LUC7L: variants seen among roughly 807,000 people sequenced by gnomAD.
LUC7L encodes the protein LUC7 like.
In LUC7L, 29 loss-of-function variants were observed where a neutral mutation model predicts 51.1. The observed-to-expected ratio is 0.57, with a 90% CI of 0.42 to 0.77. LUC7L has a LOEUF of 0.77. Among genes scored for constraint, LUC7L ranks in the 30% least tolerant of loss-of-function variants. The pLI, the probability that LUC7L is intolerant of heterozygous loss-of-function variation, is 0.00. For synonymous variants in LUC7L, 181 were observed against 180.7 expected, an observed-to-expected ratio of 1.00 and a Z score of -0.01; for missense variants, 403 against 511.9, an observed-to-expected ratio of 0.79 and a Z score of 2.05.
chr16:206,716 T>A (rs146951428), intron 4 of LUC7L, among the ~76,000 whole-genome samples: 1 of 152,050 alleles, frequency 6.6e-6, no homozygotes, highest in Non-Finnish European at 1.5e-5. Context: ...AGTTTGACCA[T>A]TTCCTTACCA....
chr16:229,244 C>T lies in LUC7L; in HGVS notation c.61+35G>A, dbSNP rs1042122830. On this transcript the variant is annotated intron_variant, in intron 1 of 9. Coordinates refer to ENST00000293872, the MANE Select transcript of LUC7L (RefSeq NM_201412.3). ...CCCGGCGGCCTCGCCTCACTCCCAC[C>T]CCAGACCCTCGCCTGGTTGGCCGCT... 5 of 1,527,842 alleles carry T rather than the reference C, an allele frequency of 3.3e-6. No individual in the cohort carries two copies. The South Asian group carries it at 6.0e-5, about 18-fold the overall frequency. 94.6% of individuals were successfully genotyped at this position (1,527,842 alleles called of 1,614,324 possible). A position where few individuals can be genotyped will look rare whatever the true frequency, so the allele number is the denominator to read the frequency against.
chr16:211,800 C>A (rs1006869634), intron 3 of LUC7L, among the ~76,000 whole-genome samples: 1 of 152,198 alleles, frequency 6.6e-6, no homozygotes, highest in African/African-American at 2.4e-5. Flanking sequence ...TGGACAATAT[C>A]AGCACACGTC....
At chr16:214,777 T>A (rs2049741416) in intron 3 of LUC7L, among the ~76,000 whole-genome samples, 1 of 152,138 alleles carries the variant, frequency 6.6e-6, no homozygotes, top group Non-Finnish European at 1.5e-5. Flanking sequence ...CCACCCACCC[T>A]AGTCTCCCAA....
chr16:223,449 G>A (rs1268504066), intron 2 of LUC7L, among the ~76,000 whole-genome samples: 2 of 152,252 alleles, frequency 1.3e-5, no homozygotes, highest in East Asian at 3.9e-4. Context: ...AAGCTAACAT[G>A]GAGGCGGCAG....
intron 6 of LUC7L, among the ~76,000 whole-genome samples, chr16:196,148 C>T (rs1197428505): frequency 6.6e-6 from 1 of 151,750 alleles, no homozygotes; most frequent in African/African-American, 2.4e-5. Context: ...TGGCCCACGC[C>T]TGTAATCCCA....
chr16:223,919 G>GCCTCCT (rs764935530), intron 2 of LUC7L, among the ~76,000 whole-genome samples: 1 of 151,400 alleles, frequency 6.6e-6, no homozygotes, highest in Non-Finnish European at 1.5e-5. Flanking sequence ...TGATCCACCC[G>GCCTCCT]CCTCCTCCTC....
chr16:198,371 T>G (rs1430268389), intron 6 of LUC7L, among the ~76,000 whole-genome samples: 1 of 149,564 alleles, frequency 6.7e-6, no homozygotes, highest in Non-Finnish European at 1.5e-5. Flanking sequence ...GATGGTACAA[T>G]GCTACCAGAA....
chr16:227,130 A>C, intron 2 of LUC7L, 112 bp downstream of exon 2: 1 of 784,388 alleles, frequency 1.3e-6, no homozygotes, highest in Non-Finnish European at 2.1e-6. Flanking sequence ...TAATTAAGCC[A>C]CTTAGAGAAA....
chr16:229,363 T>C lies in LUC7L; in HGVS notation c.-24A>G, dbSNP rs952101191. 3.4e-6 allele frequency: 5 copies of C among 1,488,624 alleles called. No individual in the cohort carries two copies. The highest frequency in any genetic ancestry group is 4.5e-6 in the Non-Finnish European group (5 of 1,120,764). 92.2% of individuals were successfully genotyped at this position (1,488,624 alleles called of 1,614,324 possible). ...ATGGTAGCCGGCGGAGGCGACGGGG[T>C]CGGCCGCGACGACTTCTCTCAGGCA... is the stretch of plus-strand genomic sequence containing the variant. On this transcript the variant is annotated 5_prime_UTR_variant, in exon 1 of 10. Transcript: ENST00000293872.
At chr16:221,247 G>T (rs957826110) in intron 2 of LUC7L, among the ~76,000 whole-genome samples, 1 of 135,550 alleles carries the variant, frequency 7.4e-6, no homozygotes, top group East Asian at 2.2e-4. Flanking sequence ...GTTTCGCCAC[G>T]TTGGCCAGGC....
In LUC7L at chr16:198,278, CAAAAAAAAAAAAA is replaced by C. The variant is rs35125597; in HGVS notation, c.687+771_687+783del. 2.9e-3 allele frequency among the ~76,000 whole-genome samples: 143 copies of C among 49,280 alleles called. 2 individuals carry two copies. The highest frequency in any genetic ancestry group is 8.4e-3 in the African/African-American group (96 of 11,450). The allele number at this position is 49,280 out of a possible 152,430, so 32.3% of individuals were successfully genotyped here. On this transcript the variant is annotated intron_variant, in intron 6 of 9. Coordinates refer to ENST00000293872, the MANE Select transcript of LUC7L (RefSeq NM_201412.3). ...TGGGCGACAGAGCGAGACTCCATCTCAAAAAAAAAAAAAAAAAAAAAAAAAAAAGTTTTTAAAT... is the reference window on the plus strand; with the variant it reads ...TGGGCGACAGAGCGAGACTCCATCTCAAAAAAAAAAAAAAAGTTTTTAAAT...
rs13337313 is a variant in LUC7L, at chr16:193,095, T to C, written c.688-80A>G. 4.2e-3 allele frequency: 4,441 copies of C among 1,069,918 alleles called. 131 individuals are homozygous for C. In the African/African-American group the frequency reaches 0.059, roughly 14 times the overall value. The allele number at this position is 1,069,918 out of a possible 1,614,324, so 66.3% of individuals were successfully genotyped here. On this transcript the variant is annotated intron_variant, in intron 6 of 9. Transcript: ENST00000293872. Reference sequence around the variant, plus strand: ...AATGCTACTTAACAAATCACCTTTATATGAGCTCAGTATTGGTAATTTAAA... The same window carrying C: ...AATGCTACTTAACAAATCACCTTTACATGAGCTCAGTATTGGTAATTTAAA...
In LUC7L at chr16:223,328, G is replaced by A. The variant is rs182102512; in HGVS notation, c.157-2581C>T. ...CGCACCACTGCACTCCAGCCTGAGC[G>A]ACAGAGCGAGACTCCGTCTCAAAAA... On this transcript the variant is annotated intron_variant, in intron 2 of 9. Transcript: ENST00000293872. Among the ~76,000 whole-genome samples, 424 of 152,116 alleles carry A rather than the reference G, an allele frequency of 2.8e-3. 1 individual carries two copies. The highest frequency in any genetic ancestry group is 0.01 in the Middle Eastern group (3 of 294).
At chr16:212,031 C>G (rs772608852) in intron 3 of LUC7L, among the ~76,000 whole-genome samples, 1 of 152,132 alleles carries the variant, frequency 6.6e-6, no homozygotes, top group Non-Finnish European at 1.5e-5. Context: ...CGGTGGCTCA[C>G]GCCTGTAATC....
chr16:214,732 T>C lies in LUC7L; in HGVS notation c.255+5917A>G, dbSNP rs368771210. On this transcript the variant is annotated intron_variant, in intron 3 of 9. Transcript: ENST00000293872. ...TTGTGTACAGACAGGGTTTGTCATC[T>C]TGCCCAGGCTAGTCTCCAACTGGGC... Among the ~76,000 whole-genome samples the C allele has an allele frequency of 2.1e-4, 32 of 152,266 alleles. No individual in the cohort carries two copies. In the East Asian group the frequency reaches 6.0e-3, roughly 28 times the overall value.
intron 2 of LUC7L, among the ~76,000 whole-genome samples, chr16:222,330 A>C (rs1307203091): frequency 8.4e-5 from 3 of 35,744 alleles, no homozygotes; most frequent in African/African-American, 4.1e-4. Flanking sequence ...ACATAACCAG[A>C]AAAAAAAAAA....
At chr16:228,815 C>T (rs765846638) in intron 1 of LUC7L, 168 of 1,291,434 alleles carry the variant, frequency 1.3e-4, no homozygotes, top group Non-Finnish European at 1.7e-4. Flanking sequence ...TTTACGGTTC[C>T]CCTTGCAATG....
At chr16:224,755 C>G (rs1337505771) in intron 2 of LUC7L, among the ~76,000 whole-genome samples, 4 of 152,020 alleles carry the variant, frequency 2.6e-5, no homozygotes, top group African/African-American at 9.7e-5. Flanking sequence ...GTTGCTTGAA[C>G]CCAGGAGACA....
rs1262439870 is a variant in LUC7L, at chr16:206,085, T to C, written c.429A>G (p.Leu143=). The change falls in exon 5 of 10, where the codon CTA becomes CTG. Residue 143 remains leucine, a synonymous_variant. Coordinates refer to ENST00000293872, the MANE Select transcript of LUC7L (RefSeq NM_201412.3). Reference sequence around the variant, plus strand: ...ATTCATCCACATTACCTTCAGCCCCTAGCTGTTCGGCTTTAGCAAGGAGTT... The same window carrying C: ...ATTCATCCACATTACCTTCAGCCCCCAGCTGTTCGGCTTTAGCAAGGAGTT... ...IGKLLAKAEQ[L]GAEGNVDESQ... 1.2e-6 allele frequency: 2 copies of C among 1,613,848 alleles called. No individual in the cohort carries two copies. Among genetic ancestry groups the C allele is most frequent in the South Asian group, 1.1e-5 (1 of 91,002 alleles).
Sources: allele counts gnomAD v4.1 joint callset (sites outside exome capture counted in the v4.1 genomes callset), GRCh38; gene constraint gnomAD v4.1.1; transcripts MANE v1.5; gene names NCBI Gene and HGNC (gene_info 2026-07-23, HGNC 2026-07-21).